Variants in DIS3L2 observed in about 807,000 individuals in gnomAD.
DIS3L2 encodes the protein DIS3-like exonuclease 2.
DIS3L2 carries 34 observed loss-of-function variants against 97.5 expected under a neutral mutation model. The ratio of observed to expected loss-of-function variants is 0.35; its 90% CI spans 0.27 to 0.46. The LOEUF is 0.46. Among genes scored for constraint, DIS3L2 ranks in the 20% least tolerant of loss-of-function variants. The pLI is 1.00. For missense variants in DIS3L2, 1,038 were observed against 1,146.0 expected, an observed-to-expected ratio of 0.91 and a Z score of 1.36; for synonymous variants, 435 against 445.2, an observed-to-expected ratio of 0.98 and a Z score of 0.29.
chr2:232,342,599 G>A (rs1339450079), intron 13 of DIS3L2, among the ~76,000 whole-genome samples: 1 of 152,236 alleles, frequency 6.6e-6, no homozygotes, highest in East Asian at 1.9e-4. Context: ...TGTACATTCA[G>A]CATAGGGTGT....
chr2:232,097,424 G>C (rs1040464671), intron 6 of DIS3L2, among the ~76,000 whole-genome samples: 1 of 152,070 alleles, frequency 6.6e-6, no homozygotes, highest in East Asian at 1.9e-4. Context: ...CCAACAACCT[G>C]TATTGCTGCT....
At chr2:232,004,184 T>A (rs1693985210) in intron 1 of DIS3L2, among the ~76,000 whole-genome samples, 1 of 152,014 alleles carries the variant, frequency 6.6e-6, no homozygotes, top group Admixed American at 6.5e-5. Context: ...GCAATTCTCA[T>A]GCCTCACCCT....
At chr2:232,039,415 C>T (rs1012297576) in intron 5 of DIS3L2, among the ~76,000 whole-genome samples, 1 of 152,114 alleles carries the variant, frequency 6.6e-6, no homozygotes, top group Non-Finnish European at 1.5e-5. Context: ...GATTATTCAT[C>T]TTTGCTTCTT....
Position 232,343,472 on chromosome 2 carries a change from CA to C in DIS3L2, c.1710del (p.Asp571ThrfsTer22). ...ACTCGGGGCATATGTGACAGGGATC[CA>C]GACACACGACTGTTTTTCCTTCAGC... On this transcript the variant is annotated frameshift_variant, in exon 14 of 14. Transcript: ENST00000273009. LOFTEE classifies it high-confidence loss of function. 3 of 1,555,824 alleles carry C rather than the reference CA, an allele frequency of 1.9e-6. No individual in the cohort carries two copies. Among genetic ancestry groups the C allele is most frequent in the Non-Finnish European group, 2.6e-6 (3 of 1,149,606 alleles).
chr2:232,079,685 AT>A (rs1696329675), intron 5 of DIS3L2, among the ~76,000 whole-genome samples: 1 of 151,834 alleles, frequency 6.6e-6, no homozygotes, highest in Non-Finnish European at 1.5e-5. Flanking sequence ...AGGTGGGGCT[AT>A]TTCAGTTACT....
intron 1 of DIS3L2, among the ~76,000 whole-genome samples, chr2:231,987,315 C>T (rs921213794): frequency 6.6e-6 from 1 of 152,214 alleles, no homozygotes; most frequent in East Asian, 1.9e-4. Flanking sequence ...ATTCTTTTAA[C>T]GTCACTACCA....
At position 232,334,408 on chromosome 2, in the gene DIS3L2, A is replaced by C; in HGVS notation, c.2198A>C (p.Gln733Pro). The change falls in exon 18 of 21, where the codon CAG becomes CCG. Residue 733 changes from glutamine to proline, a missense_variant. Gln to Pro is a moderately conservative substitution (Grantham distance 76). Coordinates refer to ENST00000325385, the MANE Select transcript of DIS3L2 (RefSeq NM_152383.5). ...CTAGACATGGCGCCCGATACCCTGC[A>C]GAAACAGGCGGACCACTGTAACGAC... The part of the protein sequence containing the change: ...ERLDMAPDTL[Q>P]KQADHCNDRR... The C allele has an allele frequency of 1.2e-6, 2 of 1,613,738 alleles. No individual in the cohort carries two copies. The highest frequency in any genetic ancestry group is 1.7e-6 in the Non-Finnish European group (2 of 1,179,996).
At chr2:232,090,645 A>G (rs1045081235) in intron 6 of DIS3L2, among the ~76,000 whole-genome samples, 1 of 152,194 alleles carries the variant, frequency 6.6e-6, no homozygotes, top group Non-Finnish European at 1.5e-5. Context: ...GAAACAAACC[A>G]TAACCTTGAG....
At chr2:232,172,341 GTC>G (rs1460573693) in intron 9 of DIS3L2, among the ~76,000 whole-genome samples, 1 of 152,048 alleles carries the variant, frequency 6.6e-6, no homozygotes, top group African/African-American at 2.4e-5. Flanking sequence ...TCAGTTTTCA[GTC>G]TCTGTGGATT....
intron 11 of DIS3L2, 102 bp from the exon 12 acceptor site, chr2:232,249,137 C>T (rs1693346792): frequency 9.2e-7 from 1 of 1,085,102 alleles, no homozygotes. Context: ...CCATCTTCAG[C>T]TTGCTCTGGA....
At chr2:232,207,366 G>A (rs368340562) in intron 9 of DIS3L2, among the ~76,000 whole-genome samples, 1 of 152,048 alleles carries the variant, frequency 6.6e-6, no homozygotes. Context: ...TCACCTCCTG[G>A]GCACTTCCTA....
intron 14 of DIS3L2, chr2:232,328,902 AGATTT>A (rs1695651806): frequency 6.6e-6 from 1 of 152,226 alleles, no homozygotes; most frequent in Admixed American, 6.5e-5. Flanking sequence ...CTCCTGCCCC[AGATTT>A]GGTGGTAGGG....
At chr2:232,127,802 A>C (rs1331830531) in intron 6 of DIS3L2, among the ~76,000 whole-genome samples, 2 of 152,056 alleles carry the variant, frequency 1.3e-5, no homozygotes, top group African/African-American at 2.4e-5. Context: ...CCTGTGTGCC[A>C]TTCCTATCTT....
downstream of DIS3L2, among the ~76,000 whole-genome samples, chr2:232,341,248 G>T (rs1485336180): frequency 6.6e-6 from 1 of 152,218 alleles, no homozygotes; most frequent in Admixed American, 6.5e-5. Flanking sequence ...AAGCGCTCGG[G>T]ACAGTGGTGA....
chr2:232,109,517 G>T (rs939521413), intron 6 of DIS3L2, among the ~76,000 whole-genome samples: 3 of 151,978 alleles, frequency 2.0e-5, no homozygotes, highest in Non-Finnish European at 4.4e-5. Flanking sequence ...AAACAGCATG[G>T]TATTGGTACA....
intron 9 of DIS3L2, among the ~76,000 whole-genome samples, chr2:232,203,633 C>T (rs571895765): frequency 1.3e-5 from 2 of 152,306 alleles, no homozygotes; most frequent in South Asian, 4.1e-4. Context: ...ATCTCATTAC[C>T]AGACCTGATA....
At chr2:232,144,166 T>C (rs1211600133) in intron 8 of DIS3L2, among the ~76,000 whole-genome samples, 1 of 152,168 alleles carries the variant, frequency 6.6e-6, no homozygotes, top group African/African-American at 2.4e-5. Flanking sequence ...TTTTCTAGAC[T>C]CTACTTAAAA....
chr2:232,167,941 C>T (rs1224312816), intron 9 of DIS3L2, among the ~76,000 whole-genome samples: 5 of 151,892 alleles, frequency 3.3e-5, no homozygotes, highest in South Asian at 2.1e-4. Flanking sequence ...CCCAGCTGCT[C>T]GGGAGGCTGA....
chr2:232,049,725 C>T (rs1439708832), intron 5 of DIS3L2, among the ~76,000 whole-genome samples: 1 of 152,078 alleles, frequency 6.6e-6, no homozygotes, highest in African/African-American at 2.4e-5. Context: ...TTTGGTTTTC[C>T]ATTTCATCCT....
Sources: allele counts gnomAD v4.1 joint callset (sites outside exome capture counted in the v4.1 genomes callset), GRCh38; gene constraint gnomAD v4.1.1; transcripts MANE v1.5; gene names NCBI Gene and HGNC (gene_info 2026-07-23, HGNC 2026-07-21).